Variants in TBC1D19 observed in about 807,000 individuals in gnomAD.
TBC1D19 encodes TBC1 domain family, member 19.
TBC1D19 carries 60 observed loss-of-function variants against 89.0 expected under a neutral mutation model. The ratio of observed to expected loss-of-function variants is 0.67; its 90% CI spans 0.55 to 0.84. TBC1D19 has a LOEUF of 0.84. Among genes scored for constraint, TBC1D19 ranks in the 40% least tolerant of loss-of-function variants. The probability of loss-of-function intolerance (pLI) is 0.00; values close to 1 mark genes in which losing one functional copy is unlikely to be tolerated. For missense variants in TBC1D19, 500 were observed against 610.8 expected (o/e 0.82, Z 1.91); for synonymous variants, 189 against 199.7 (o/e 0.95, Z 0.45).
chr4:26,761,978 A>G, the TBC1D19 span, among the ~76,000 whole-genome samples: 8 of 152,090 alleles, frequency 5.3e-5, no homozygotes, highest in Non-Finnish European at 4.4e-5. Context: ...AGTACAAAAA[A>G]AAGAAAAATT....
At chr4:26,843,092 T>C in the TBC1D19 span, among the ~76,000 whole-genome samples, 1 of 152,194 alleles carries the variant, frequency 6.6e-6, no homozygotes, top group African/African-American at 2.4e-5. Flanking sequence ...AGCACAGGCT[T>C]GTCATGGAGA....
At chr4:26,824,283 G>T in the TBC1D19 span, among the ~76,000 whole-genome samples, 2 of 152,318 alleles carry the variant, frequency 1.3e-5, no homozygotes, top group South Asian at 4.1e-4. Context: ...CAGCCATGCC[G>T]GAAGCATGTG....
intron 11 of TBC1D19, among the ~76,000 whole-genome samples, chr4:26,677,454 G>A (rs1712930728): frequency 6.6e-6 from 1 of 151,778 alleles, no homozygotes; most frequent in Admixed American, 6.6e-5. Context: ...GATTAGCTGG[G>A]ACTACAGGTG....
chr4:26,728,287 A>C (rs886800682), intron 15 of TBC1D19, among the ~76,000 whole-genome samples: 2 of 152,328 alleles, frequency 1.3e-5, no homozygotes, highest in South Asian at 2.1e-4. Flanking sequence ...ATATAATAGC[A>C]ATCTGCTTTG....
upstream of TBC1D19, among the ~76,000 whole-genome samples, chr4:26,579,971 A>T (rs1739036150): frequency 6.6e-6 from 1 of 152,246 alleles, no homozygotes; most frequent in Non-Finnish European, 1.5e-5. Context: ...TGTTTCTGAG[A>T]CACTGAACCA....
chr4:26,675,404 T>A (rs926866700), intron 11 of TBC1D19, among the ~76,000 whole-genome samples: 4 of 152,006 alleles, frequency 2.6e-5, no homozygotes, highest in African/African-American at 4.8e-5. Context: ...AAGAAAAAAA[T>A]TTTTAAGGTG....
chr4:26,807,907 G>A, the TBC1D19 span, among the ~76,000 whole-genome samples: 1 of 152,212 alleles, frequency 6.6e-6, no homozygotes, highest in Non-Finnish European at 1.5e-5. Flanking sequence ...TTATGGGTAA[G>A]GAGTGTTATG....
intron 4 of TBC1D19, among the ~76,000 whole-genome samples, chr4:26,621,829 A>G (rs1742067066): frequency 6.6e-6 from 1 of 152,106 alleles, no homozygotes; most frequent in Non-Finnish European, 1.5e-5. Context: ...TGTTATAAAG[A>G]TTTGGAACCA....
chr4:26,739,678 A>G (rs557654672), intron 16 of TBC1D19, among the ~76,000 whole-genome samples, 186 bp from the exon 17 acceptor site: 11 of 152,096 alleles, frequency 7.2e-5, no homozygotes, highest in Non-Finnish European at 1.5e-4. Context: ...ATAATATTTA[A>G]TGGCTGTTTG....
chr4:26,655,498 C>G (rs1744733788), intron 7 of TBC1D19, among the ~76,000 whole-genome samples: 1 of 152,240 alleles, frequency 6.6e-6, no homozygotes, highest in Admixed American at 6.5e-5. Flanking sequence ...AGCAGGCCTC[C>G]TTGAGCTGTG....
chr4:26,584,716 CCTTTCTG>C (rs1739314112), intron 1 of TBC1D19, among the ~76,000 whole-genome samples: 1 of 152,166 alleles, frequency 6.6e-6, no homozygotes, highest in Non-Finnish European at 1.5e-5. Context: ...CCCCCAAGTA[CCTTTCTG>C]CTTTCTCGTC....
chr4:26,709,038 G>A lies in TBC1D19; in HGVS notation c.955-8895G>A, dbSNP rs1715956894. On this transcript the variant is annotated intron_variant, in intron 13 of 20. Coordinates refer to ENST00000264866, the MANE Select transcript of TBC1D19 (RefSeq NM_018317.4). Reference sequence around the variant, plus strand: ...ATGTTTCAAGTTCTTTGTATTATTTGTGATCTTGTTGTTGTTGTTGAAAAA... The same window carrying A: ...ATGTTTCAAGTTCTTTGTATTATTTATGATCTTGTTGTTGTTGTTGAAAAA... 3.4e-5 allele frequency among the ~76,000 whole-genome samples: 5 copies of A among 149,164 alleles called. No homozygotes were observed. The South Asian group carries it at 1.1e-3, about 32-fold the overall frequency.
chr4:26,809,365 G>T, the TBC1D19 span, among the ~76,000 whole-genome samples: 1 of 152,102 alleles, frequency 6.6e-6, no homozygotes, highest in East Asian at 1.9e-4. Flanking sequence ...TTCTGCCTTC[G>T]GTTCCTGCCA....
chr4:26,794,172 A>G, the TBC1D19 span, among the ~76,000 whole-genome samples: 4 of 152,196 alleles, frequency 2.6e-5, no homozygotes, highest in Non-Finnish European at 5.9e-5. Flanking sequence ...ACTAATCCCA[A>G]TTTACTTTTA....
At chr4:26,584,498 C>T (rs543061273) in intron 1 of TBC1D19, among the ~76,000 whole-genome samples, 1 of 152,330 alleles carries the variant, frequency 6.6e-6, no homozygotes, top group African/African-American at 2.4e-5. Flanking sequence ...CCGGTGCAAG[C>T]TGTGCTGCCT....
intron 19 of TBC1D19, among the ~76,000 whole-genome samples, chr4:26,751,174 G>A (rs1718932636): frequency 6.6e-6 from 1 of 152,156 alleles, no homozygotes; most frequent in Non-Finnish European, 1.5e-5. Flanking sequence ...AGATGGAAAG[G>A]AACTTCTGTG....
chr4:26,777,354 C>T, the TBC1D19 span, among the ~76,000 whole-genome samples: 85 of 152,058 alleles, frequency 5.6e-4, no homozygotes, highest in African/African-American at 1.1e-3. Flanking sequence ...AGGTTGGTCT[C>T]GAACTCCTGA....
chr4:26,672,733 T>C (rs1007180070), intron 10 of TBC1D19, among the ~76,000 whole-genome samples: 4 of 152,022 alleles, frequency 2.6e-5, no homozygotes, highest in African/African-American at 9.6e-5. Flanking sequence ...AAGTACAGAT[T>C]GGTCTTTGTG....
chr4:26,796,657 C>G, the TBC1D19 span, among the ~76,000 whole-genome samples: 1 of 151,968 alleles, frequency 6.6e-6, no homozygotes, highest in Non-Finnish European at 1.5e-5. Context: ...GATGACTACA[C>G]CACTGCACTC....
Sources: gnomAD v4.1 joint callset for allele counts (sites outside exome capture counted in the v4.1 genomes callset) on GRCh38, gnomAD v4.1.1 for gene constraint, MANE v1.5 for transcripts, NCBI Gene and HGNC (gene_info 2026-07-23, HGNC 2026-07-21) for gene names.